Variants in HTR2C observed in about 807,000 individuals in gnomAD.
HTR2C encodes the protein 5-hydroxytryptamine receptor 2C, also known as 5-hydroxytryptamine (serotonin) receptor 2C, G protein-coupled.
HTR2C carries 5 observed loss-of-function variants against 21.0 expected under a neutral mutation model. The ratio of observed to expected loss-of-function variants is 0.24; its 90% confidence interval spans 0.12 to 0.50. The LOEUF (loss-of-function observed/expected upper bound fraction) is 0.50, where lower values mean the gene tolerates loss of function less well. HTR2C is among the 20% of genes least tolerant of loss of function. The pLI is 0.98. For missense variants in HTR2C, 271 were observed against 371.2 expected (o/e 0.73, Z 2.22); for synonymous variants, 150 against 145.3 (o/e 1.03, Z -0.23).
chrX:114,779,891 G>A (rs1333146001), intron 4 of HTR2C, among the ~76,000 whole-genome samples: 2 of 48,895 alleles, frequency 4.1e-5, no homozygotes, highest in Non-Finnish European at 9.4e-5. Flanking sequence ...TATATTGGAT[G>A]TATATGTATA....
intron 5 of HTR2C, among the ~76,000 whole-genome samples, chrX:114,857,896 G>A (rs1302824945): frequency 3.6e-5 from 4 of 110,727 alleles, no homozygotes; most frequent in Non-Finnish European, 5.7e-5. Context: ...CGTCTGATGC[G>A]AGCTAGAGAT....
chrX:114,706,441 G>A (rs782071675), intron 2 of HTR2C, among the ~76,000 whole-genome samples: 63 of 54,594 alleles, frequency 1.2e-3, no homozygotes, highest in African/African-American at 2.7e-3. Context: ...CATCATTCTC[G>A]GTAAACTATT....
chrX:114,601,692 G>A (rs1222676749), intron 1 of HTR2C, among the ~76,000 whole-genome samples: 2 of 108,770 alleles, frequency 1.8e-5, no homozygotes, highest in Admixed American at 9.9e-5. Flanking sequence ...CAGGGGATGC[G>A]ATGGCTTGGC....
intron 2 of HTR2C, among the ~76,000 whole-genome samples, chrX:114,722,230 T>A (rs1265117993): frequency 9.0e-6 from 1 of 110,619 alleles, no homozygotes; most frequent in Non-Finnish European, 1.9e-5. Context: ...AAGAGGTCCT[T>A]CACATCCCTT....
At chrX:114,595,844 A>G (rs1927821680) in intron 1 of HTR2C, among the ~76,000 whole-genome samples, 1 of 111,907 alleles carries the variant, frequency 8.9e-6, no homozygotes, top group African/African-American at 3.2e-5. Context: ...TCTGCAGAAT[A>G]TATTGGAAGT....
At chrX:114,737,232 T>TTC (rs1556424604) in intron 4 of HTR2C, among the ~76,000 whole-genome samples, 1,388 of 92,549 alleles carry the variant, frequency 0.015, 12 homozygotes, top group South Asian at 0.033. Context: ...TTCTTTTCTT[T>TTC]TTTTTTTTTT....
At chrX:114,741,614 A>T (rs1602737875) in intron 4 of HTR2C, among the ~76,000 whole-genome samples, 1 of 8,592 alleles carries the variant, frequency 1.2e-4, no homozygotes, top group African/African-American at 2.0e-4. Flanking sequence ...TGGAAACATT[A>T]AAAAAAAAAA....
chrX:114,813,768 A>T (rs2070556807), intron 4 of HTR2C, among the ~76,000 whole-genome samples: 2 of 111,112 alleles, frequency 1.8e-5, no homozygotes, highest in Admixed American at 9.7e-5. Flanking sequence ...GGGGCTGATT[A>T]TGTCAATAAT....
intron 2 of HTR2C, among the ~76,000 whole-genome samples, chrX:114,644,366 T>A (rs2316099): frequency 0.053 from 1,531 of 28,992 alleles, 11 homozygotes; most frequent in African/African-American, 0.056. Flanking sequence ...TAAATAAATA[T>A]ATATATATAT....
At chrX:114,890,863 G>A (rs2071253518) in intron 5 of HTR2C, among the ~76,000 whole-genome samples, 1 of 111,740 alleles carries the variant, frequency 8.9e-6, no homozygotes, top group Admixed American at 9.5e-5. Flanking sequence ...TTATGAAAAT[G>A]TGGGTTAAAC....
At chrX:114,585,332 T>C (rs1301409904) in intron 1 of HTR2C, among the ~76,000 whole-genome samples, 2 of 111,501 alleles carry the variant, frequency 1.8e-5, no homozygotes, top group African/African-American at 6.5e-5. Flanking sequence ...CACGTAAGCT[T>C]AAGAGGAGAG....
chrX:114,758,604 A>G (rs2069836784), intron 4 of HTR2C, among the ~76,000 whole-genome samples: 1 of 111,556 alleles, frequency 9.0e-6, no homozygotes, highest in Non-Finnish European at 1.9e-5. Flanking sequence ...CCTTTCAAAA[A>G]TATATGGTTT....
chrX:114,842,062 G>A (rs1290425944), intron 4 of HTR2C, among the ~76,000 whole-genome samples: 1 of 112,109 alleles, frequency 8.9e-6, no homozygotes, highest in African/African-American at 3.2e-5. Context: ...GGAAATAGTT[G>A]TCAGAATCAA....
chrX:114,838,444 C>T (rs782263461), intron 4 of HTR2C, among the ~76,000 whole-genome samples: 1 of 112,075 alleles, frequency 8.9e-6, no homozygotes, highest in East Asian at 2.8e-4. Context: ...ATTCTTTTCT[C>T]AAAGGCAAAA....
intron 4 of HTR2C, among the ~76,000 whole-genome samples, chrX:114,772,487 T>TGGGGGGGGGGGGGGGGGGG (rs201762695): frequency 1.1e-5 from 1 of 87,643 alleles, no homozygotes; most frequent in Non-Finnish European, 2.2e-5. Flanking sequence ...CGGGGCGTGG[T>TGGGGGGGGGGGGGGGGGGG]GGGGGGGCCT....
rs188524087 is a variant in HTR2C at position 114,639,351 on chromosome X, G to T, written c.-80+25470G>T. ...GATCAATGTATGGATGTGCTCATTA[G>T]GAGACTCTTGGCCTTTTTCAGAAGG... On this transcript the variant is annotated intron_variant, in intron 2 of 5. Transcript: ENST00000276198. 29 of 112,947 alleles carry T rather than the reference G, an allele frequency of 2.6e-4. No homozygotes were observed. In the Admixed American group the frequency reaches 2.8e-3, roughly 11 times the overall value. 9.3% of individuals were successfully genotyped at this position (112,947 alleles called of 1,213,427 possible).
intron 1 of HTR2C, among the ~76,000 whole-genome samples, chrX:114,600,830 G>A (rs782814269): frequency 2.2e-4 from 24 of 111,482 alleles, no homozygotes; most frequent in South Asian, 1.9e-3. Context: ...TAAATGCAAA[G>A]TATATGTAAG....
intron 5 of HTR2C, among the ~76,000 whole-genome samples, chrX:114,866,854 A>G (rs2071049985): frequency 8.9e-6 from 1 of 112,014 alleles, no homozygotes; most frequent in African/African-American, 3.2e-5. Flanking sequence ...TTGTGGCTGA[A>G]TAATACTCCA....
intron 2 of HTR2C, among the ~76,000 whole-genome samples, chrX:114,698,350 T>C (rs1932341949): frequency 9.1e-6 from 1 of 110,461 alleles, no homozygotes; most frequent in Non-Finnish European, 1.9e-5. Context: ...TCCGTTATCA[T>C]GGAAAGACTT....
Sources: gnomAD v4.1 joint callset for allele counts (sites outside exome capture counted in the v4.1 genomes callset) on GRCh38, gnomAD v4.1.1 for gene constraint, MANE v1.5 for transcripts, NCBI Gene and HGNC (gene_info 2026-07-23, HGNC 2026-07-21) for gene names.